Variants in YWHAE observed in about 807,000 individuals in gnomAD.
YWHAE encodes the protein tyrosine 3-monooxygenase/tryptophan 5-monooxygenase activation protein epsilon.
YWHAE carries 4 observed loss-of-function variants against 30.1 expected under a neutral mutation model. The ratio of observed to expected loss-of-function variants is 0.13; its 90% confidence interval spans 0.07 to 0.30. YWHAE has a LOEUF of 0.30. YWHAE is among the 10% of genes least tolerant of loss of function. The probability of loss-of-function intolerance (pLI) is 1.00; values close to 1 mark genes in which losing one functional copy is unlikely to be tolerated. For synonymous variants in YWHAE, 118 were observed against 111.8 expected (o/e 1.06, Z -0.35); for missense variants, 121 against 315.9 (o/e 0.38, Z 4.68).
intron 2 of YWHAE, among the ~76,000 whole-genome samples, chr17:1,364,410 T>C (rs1167442062): frequency 6.6e-6 from 1 of 152,056 alleles, no homozygotes; most frequent in African/African-American, 2.4e-5. Context: ...GTATTTTTAG[T>C]AGAGACGGGG....
At chr17:1,346,991 A>AG (rs1491365758) in intron 5 of YWHAE, among the ~76,000 whole-genome samples, 25 of 102,398 alleles carry the variant, frequency 2.4e-4, no homozygotes, top group Middle Eastern at 0.01. Flanking sequence ...ACTCCGTCTC[A>AG]AAAAAAAAAA....
intron 5 of YWHAE, among the ~76,000 whole-genome samples, chr17:1,346,983 T>G (rs1015381393): frequency 5.3e-4 from 68 of 128,816 alleles, no homozygotes; most frequent in African/African-American, 2.0e-3. Context: ...AGAGTGAGAC[T>G]CCGTCTCAAA....
chr17:1,398,204 T>C (rs939945476), intron 1 of YWHAE, among the ~76,000 whole-genome samples: 4 of 152,018 alleles, frequency 2.6e-5, no homozygotes, highest in Non-Finnish European at 2.9e-5. Flanking sequence ...CACTAACAGA[T>C]TAAGAGGGGA....
intron 1 of YWHAE, among the ~76,000 whole-genome samples, chr17:1,385,138 C>CTG (rs1555645794): frequency 1.0e-5 from 1 of 98,344 alleles, no homozygotes; most frequent in Middle Eastern, 5.3e-3. Flanking sequence ...GGGAAAGACT[C>CTG]TGTCTCAAAA....
At chr17:1,396,783 C>T (rs1368562026) in intron 1 of YWHAE, among the ~76,000 whole-genome samples, 1 of 151,842 alleles carries the variant, frequency 6.6e-6, no homozygotes, top group Admixed American at 6.6e-5. Flanking sequence ...CCACCACCCC[C>T]GGCTAATTTT....
intron 1 of YWHAE, among the ~76,000 whole-genome samples, chr17:1,384,854 T>C (rs1023239189): frequency 6.6e-6 from 1 of 152,102 alleles, no homozygotes; most frequent in South Asian, 2.1e-4. Context: ...ATTAGAGGCA[T>C]GCGCCACGAA....
intron 1 of YWHAE, among the ~76,000 whole-genome samples, chr17:1,376,540 C>G (rs559042903): frequency 3.0e-4 from 46 of 152,174 alleles, no homozygotes; most frequent in Non-Finnish European, 6.2e-4. Flanking sequence ...TTGTATGTTG[C>G]CCAGGCTGGT....
chr17:1,373,908 T>G (rs2073084511), intron 1 of YWHAE, among the ~76,000 whole-genome samples: 1 of 152,166 alleles, frequency 6.6e-6, no homozygotes, highest in Non-Finnish European at 1.5e-5. Flanking sequence ...CAACACAACC[T>G]ACCGTATGGA....
intron 5 of YWHAE, among the ~76,000 whole-genome samples, chr17:1,345,997 T>C (rs868020439): frequency 7.4e-5 from 11 of 149,276 alleles, no homozygotes; most frequent in Middle Eastern, 3.5e-3. Flanking sequence ...TGTGGGGTTC[T>C]GCTGTTATAA....
chr17:1,372,816 G>A (rs2073061577), intron 1 of YWHAE, among the ~76,000 whole-genome samples: 1 of 152,128 alleles, frequency 6.6e-6, no homozygotes, highest in African/African-American at 2.4e-5. Flanking sequence ...AGCCAGGCAT[G>A]GTGATGTGTG....
chr17:1,357,488 G>C (rs1329856168), intron 4 of YWHAE, among the ~76,000 whole-genome samples: 1 of 151,808 alleles, frequency 6.6e-6, no homozygotes, highest in African/African-American at 2.4e-5. Flanking sequence ...GCTGAGGCGA[G>C]AGAATCGCCT....
At position 1,349,414 on chromosome 17, in the gene YWHAE, G is replaced by A. The variant is rs202206817; in HGVS notation, c.716-3915C>T. ...TTTCTTTGTACCCACAATTATTTGT[G>A]TATTCAGAGTTTGTTAGTTGTACCG... On this transcript the variant is annotated intron_variant, in intron 5 of 5. Transcript: ENST00000264335. Among the ~76,000 whole-genome samples, 3 of 152,076 alleles carry A rather than the reference G, an allele frequency of 2.0e-5. No individual in the cohort carries two copies. In the East Asian group the frequency reaches 5.8e-4, roughly 29 times the overall value.
At chr17:1,391,954 C>A (rs997471757) in intron 1 of YWHAE, among the ~76,000 whole-genome samples, 2 of 152,118 alleles carry the variant, frequency 1.3e-5, no homozygotes, top group Non-Finnish European at 2.9e-5. Flanking sequence ...TGGTGGCTCA[C>A]GCCTGTAATC....
chr17:1,396,522 C>T (rs540188302), intron 1 of YWHAE, among the ~76,000 whole-genome samples: 1 of 152,294 alleles, frequency 6.6e-6, no homozygotes, highest in East Asian at 1.9e-4. Context: ...TTCCATGAAG[C>T]CAATCTTGAT....
chr17:1,362,277 T>C (rs2072876400), intron 2 of YWHAE, among the ~76,000 whole-genome samples: 1 of 152,074 alleles, frequency 6.6e-6, no homozygotes, highest in African/African-American at 2.4e-5. Flanking sequence ...CCCTTCACAG[T>C]ACCACAGTAC....
Position 1,352,527 on chromosome 17 carries a change from CTCT to C in YWHAE, c.715+1681_715+1683del, listed in dbSNP as rs576479389. On this transcript the variant is annotated intron_variant, in intron 5 of 5. Transcript: ENST00000264335. ...TATGTTTCAGCCTAAGAAACGTTAT[CTCT>C]TTTTTTTTTTTTTAGATGGAGTCTT... 3.8e-3 allele frequency among the ~76,000 whole-genome samples: 573 copies of C among 149,858 alleles called. 1 individual carries two copies. The highest frequency in any genetic ancestry group is 0.01 in the Middle Eastern group (3 of 292).
rs769822748 is a variant in YWHAE at position 1,345,520 on chromosome 17, T to A, written c.716-21A>T. 20 of 1,612,484 alleles carry A rather than the reference T, an allele frequency of 1.2e-5. No individual in the cohort carries two copies. In the Middle Eastern group the frequency reaches 6.6e-4, roughly 53 times the overall value. Reference sequence around the variant, plus strand: ...TTCACCTGTTAAAAAAGAAAAAAAGTCAATTATTTCGTATTGACTACATTA... The same window carrying A: ...TTCACCTGTTAAAAAAGAAAAAAAGACAATTATTTCGTATTGACTACATTA... On this transcript the variant is annotated intron_variant, in intron 5 of 5. Transcript: ENST00000264335.
intron 1 of YWHAE, among the ~76,000 whole-genome samples, chr17:1,385,154 A>AG (rs2150871729): frequency 6.6e-6 from 1 of 151,604 alleles, no homozygotes; most frequent in African/African-American, 2.4e-5. Context: ...CAAAAAAAAA[A>AG]AAAAAAAAAG....
intron 1 of YWHAE, among the ~76,000 whole-genome samples, chr17:1,392,781 C>T (rs139155573): frequency 1.3e-5 from 2 of 151,464 alleles, no homozygotes; most frequent in African/African-American, 2.4e-5. Flanking sequence ...GCCCAGGAGG[C>T]GGAGGCTGCA....
Sources: gnomAD v4.1 joint callset for allele counts (sites outside exome capture counted in the v4.1 genomes callset) on GRCh38, gnomAD v4.1.1 for gene constraint, MANE v1.5 for transcripts, NCBI Gene and HGNC (gene_info 2026-07-23, HGNC 2026-07-21) for gene names.